The following TCERG1L variants were observed in gnomAD, a reference collection of about 807,000 sequenced individuals.
TCERG1L encodes the protein transcription elongation regulator 1 like, also known as transcription elongation regulator 1-like protein.
Under a neutral mutation model 56.3 loss-of-function variants are expected in TCERG1L, and 37 were observed. The ratio of observed to expected loss-of-function variants is 0.66; its 90% CI spans 0.51 to 0.87. The LOEUF (loss-of-function observed/expected upper bound fraction) is 0.87. Among genes scored for constraint, TCERG1L ranks in the 40% least tolerant of loss-of-function variants. The probability of loss-of-function intolerance (pLI) is 0.00; values close to 1 mark genes in which losing one functional copy is unlikely to be tolerated. For missense variants in TCERG1L, 799 were observed against 774.2 expected, an observed-to-expected ratio of 1.03 and a Z score of -0.38; for synonymous variants, 324 against 326.3, an observed-to-expected ratio of 0.99 and a Z score of 0.08.
chr10:131,166,993 G>C, intron 4 of TCERG1L, 108 bp from the exon 5 acceptor site: 6 of 897,204 alleles, frequency 6.7e-6, no homozygotes, highest in Non-Finnish European at 1.0e-5. Context: ...TTGGTCAGTA[G>C]ACACTGTGCA....
chr10:131,158,390 C>T (rs1469824825), intron 6 of TCERG1L, among the ~76,000 whole-genome samples: 1 of 152,238 alleles, frequency 6.6e-6, no homozygotes, highest in African/African-American at 2.4e-5. Context: ...CTGCTGTCTT[C>T]TCAAACACTC....
intron 6 of TCERG1L, 101 bp from the exon 7 acceptor site, chr10:131,146,761 C>A: frequency 7.3e-7 from 1 of 1,368,700 alleles, no homozygotes; most frequent in South Asian, 1.5e-5. Flanking sequence ...GGACCGAAAT[C>A]CACACATTTG....
chr10:131,230,498 C>A (rs949801594), intron 4 of TCERG1L, among the ~76,000 whole-genome samples: 1 of 152,220 alleles, frequency 6.6e-6, no homozygotes, highest in African/African-American at 2.4e-5. Flanking sequence ...CTGAGGGACG[C>A]TGGGGAAAAG....
chr10:131,195,993 G>A (rs1194454239), intron 4 of TCERG1L, among the ~76,000 whole-genome samples: 4 of 152,184 alleles, frequency 2.6e-5, no homozygotes, highest in African/African-American at 9.7e-5. Flanking sequence ...GAGTGGACAC[G>A]CAGAAAATCT....
intron 2 of TCERG1L, 64 bp downstream of exon 2, chr10:131,309,089 T>C (rs761677872): frequency 1.2e-5 from 19 of 1,554,700 alleles, no homozygotes; most frequent in East Asian, 9.4e-5. Flanking sequence ...TTTGTTGTTA[T>C]GTCGATGTTC....
intron 3 of TCERG1L, among the ~76,000 whole-genome samples, chr10:131,293,596 C>T (rs929549241): frequency 5.9e-5 from 9 of 152,092 alleles, no homozygotes; most frequent in Non-Finnish European, 1.0e-4. Flanking sequence ...AAAACTTCTC[C>T]CTCACACAGA....
At chr10:131,300,115 A>C (rs1846744146) in intron 3 of TCERG1L, among the ~76,000 whole-genome samples, 1 of 152,168 alleles carries the variant, frequency 6.6e-6, no homozygotes, top group Admixed American at 6.5e-5. Flanking sequence ...CTTGTTAAAA[A>C]TCTTTATTCC....
intron 7 of TCERG1L, 109 bp downstream of exon 7, chr10:131,146,397 A>G (rs979356010): frequency 5.5e-6 from 7 of 1,266,502 alleles, no homozygotes; most frequent in African/African-American, 1.5e-5. Context: ...ATTCCTTAAT[A>G]GTCAATTTTC....
chr10:131,140,983 G>T (rs930586354), intron 7 of TCERG1L, among the ~76,000 whole-genome samples: 1 of 152,138 alleles, frequency 6.6e-6, no homozygotes, highest in Non-Finnish European at 1.5e-5. Flanking sequence ...TGTATTCCTA[G>T]ATTGCATCCT....
intron 3 of TCERG1L, among the ~76,000 whole-genome samples, chr10:131,282,473 C>T (rs569394829): frequency 3.3e-5 from 5 of 152,130 alleles, no homozygotes; most frequent in South Asian, 2.1e-4. Flanking sequence ...CGAAAGTAAC[C>T]TCAGCCATAG....
intron 3 of TCERG1L, among the ~76,000 whole-genome samples, chr10:131,284,863 A>G (rs1000823093): frequency 5.3e-5 from 8 of 152,224 alleles, no homozygotes; most frequent in Non-Finnish European, 1.2e-4. Context: ...GCATAGTCAT[A>G]TAACAACTAA....
intron 3 of TCERG1L, among the ~76,000 whole-genome samples, chr10:131,296,015 C>G (rs936470931): frequency 6.6e-6 from 1 of 152,054 alleles, no homozygotes; most frequent in Admixed American, 6.6e-5. Flanking sequence ...CTTTATCAGA[C>G]ATATGTTTTG....
chr10:131,093,609 C>T (rs1399816238), intron 11 of TCERG1L, among the ~76,000 whole-genome samples: 1 of 152,214 alleles, frequency 6.6e-6, no homozygotes, highest in Non-Finnish European at 1.5e-5. Flanking sequence ...GCAGCTGTCA[C>T]TCCCCCAGCC....
chr10:131,159,737 G>A (rs527825992), intron 6 of TCERG1L, among the ~76,000 whole-genome samples: 1 of 152,302 alleles, frequency 6.6e-6, no homozygotes, highest in South Asian at 2.1e-4. Context: ...GCTGCAGTGT[G>A]AGGAGAGTGT....
intron 6 of TCERG1L, among the ~76,000 whole-genome samples, chr10:131,150,598 G>A (rs1353102531): frequency 6.6e-6 from 1 of 152,210 alleles, no homozygotes; most frequent in Non-Finnish European, 1.5e-5. Flanking sequence ...AGGACTGGGG[G>A]AAGAAGAAGC....
intron 6 of TCERG1L, chr10:131,161,414 G>A (rs1845975935): frequency 6.6e-6 from 1 of 152,260 alleles, no homozygotes; most frequent in Non-Finnish European, 1.5e-5. Context: ...TCGTTAAGCA[G>A]CAGAGGGATG....
chr10:131,202,007 C>T (rs1176254295), intron 4 of TCERG1L, among the ~76,000 whole-genome samples: 9 of 152,176 alleles, frequency 5.9e-5, no homozygotes, highest in South Asian at 2.1e-4. Flanking sequence ...AATGCGTTTC[C>T]GATGACTGCT....
chr10:131,173,519 C>T (rs1846114201), intron 4 of TCERG1L, among the ~76,000 whole-genome samples: 1 of 152,210 alleles, frequency 6.6e-6, no homozygotes, highest in Admixed American at 6.5e-5. Flanking sequence ...TCCGAGTCAG[C>T]CTCTTCAATG....
intron 7 of TCERG1L, among the ~76,000 whole-genome samples, chr10:131,140,234 C>T (rs1393854588): frequency 6.6e-6 from 1 of 152,086 alleles, no homozygotes; most frequent in Admixed American, 6.5e-5. Context: ...GCTGGTGGAC[C>T]CAGCCCCTGC....
Sources: allele counts gnomAD v4.1 joint callset (sites outside exome capture counted in the v4.1 genomes callset), GRCh38; gene constraint gnomAD v4.1.1; transcripts MANE v1.5; gene names NCBI Gene and HGNC (gene_info 2026-07-23, HGNC 2026-07-21).